Variants in SLC4A8 observed in about 807,000 individuals in gnomAD.
SLC4A8 encodes electroneutral sodium bicarbonate exchanger 1.
Under a neutral mutation model 125.0 loss-of-function variants are expected in SLC4A8, and 40 were observed. The ratio of observed to expected loss-of-function variants is 0.32; its 90% CI spans 0.25 to 0.42. The LOEUF (loss-of-function observed/expected upper bound fraction) is 0.42. Ranked by LOEUF, SLC4A8 falls within the 10% of genes least tolerant of loss-of-function variation. SLC4A8 has a pLI of 1.00. For synonymous variants in SLC4A8, 456 were observed against 476.0 expected, an observed-to-expected ratio of 0.96 and a Z score of 0.55; for missense variants, 863 against 1,355.1, an observed-to-expected ratio of 0.64 and a Z score of 5.70.
intron 16 of SLC4A8, among the ~76,000 whole-genome samples, chr12:51,481,790 TA>T (rs1180765514): frequency 8.8e-4 from 125 of 142,516 alleles, no homozygotes; most frequent in Middle Eastern, 3.5e-3. Context: ...AAAGTATATA[TA>T]AAAAAAAAAA....
At chr12:51,434,320 C>A (rs1949332201) in intron 1 of SLC4A8, among the ~76,000 whole-genome samples, 1 of 152,144 alleles carries the variant, frequency 6.6e-6, no homozygotes, top group South Asian at 2.1e-4. Flanking sequence ...GATTATTATA[C>A]TGAAAAAATA....
intron 11 of SLC4A8, among the ~76,000 whole-genome samples, chr12:51,465,916 A>G (rs1950499569): frequency 6.6e-6 from 1 of 152,234 alleles, no homozygotes; most frequent in Admixed American, 6.5e-5. Context: ...TGCACAAACT[A>G]AAACCACATT....
intron 1 of SLC4A8, among the ~76,000 whole-genome samples, chr12:51,433,860 T>TG (rs202241547): frequency 1.6e-5 from 1 of 60,616 alleles, no homozygotes. Flanking sequence ...TGTTTTTTTT[T>TG]TTTTTTTTTT....
chr12:51,503,910 A>G (rs1938049691), intron 22 of SLC4A8, 119 bp from the exon 23 acceptor site: 1 of 618,254 alleles, frequency 1.6e-6, no homozygotes, highest in Admixed American at 3.2e-5. Flanking sequence ...AAAGAACCTA[A>G]TTATATTCTT....
chr12:51,412,630 T>C (rs1260627916), intron 1 of SLC4A8, among the ~76,000 whole-genome samples: 1 of 152,214 alleles, frequency 6.6e-6, no homozygotes, highest in Non-Finnish European at 1.5e-5. Context: ...TGCTCTCTAC[T>C]TCCATAATAT....
At chr12:51,403,315 A>G (rs1314286438) in intron 1 of SLC4A8, 2 of 441,928 alleles carry the variant, frequency 4.5e-6, no homozygotes, top group Non-Finnish European at 9.3e-6. Context: ...TGTGCCTGTT[A>G]CTCCACCAGA....
chr12:51,485,761 A>G (rs765094966), intron 16 of SLC4A8, 26 bp from the exon 17 acceptor site: 5 of 1,328,654 alleles, frequency 3.8e-6, no homozygotes, highest in Non-Finnish European at 5.4e-6. Flanking sequence ...CTGCCAAAAC[A>G]TGTGTCCACT....
intron 1 of SLC4A8, chr12:51,391,511 A>G: frequency 6.5e-6 from 1 of 154,038 alleles, no homozygotes; most frequent in Non-Finnish European, 1.4e-5. Flanking sequence ...ACTCGGCAGA[A>G]GCGAGATCCG....
chr12:51,499,271 C>T (rs1467135182), intron 22 of SLC4A8, among the ~76,000 whole-genome samples: 1 of 152,156 alleles, frequency 6.6e-6, no homozygotes, highest in Non-Finnish European at 1.5e-5. Context: ...TACAGTAAGA[C>T]TGTCAAAGAA....
In SLC4A8 at chr12:51,426,875, GGA is replaced by G. The variant is rs150265856; in HGVS notation, c.48+1852_48+1853del. On this transcript the variant is annotated intron_variant, in intron 1 of 24. Transcript: ENST00000453097. Reference sequence around the variant, plus strand: ...GGAGAGAGGGGGTCTCTCCTAACCGGGAGAGAGAGAGAGGGCATGAGAGAGTA... The same window carrying G: ...GGAGAGAGGGGGTCTCTCCTAACCGGGAGAGAGAGAGGGCATGAGAGAGTA... Among the ~76,000 whole-genome samples, 12 of 151,536 alleles carry G rather than the reference GGA, an allele frequency of 7.9e-5. No homozygotes were observed. The East Asian group carries it at 1.5e-3, about 20-fold the overall frequency.
Position 51,435,073 on chromosome 12 carries a change from A to T in SLC4A8, c.49-5635A>T, listed in dbSNP as rs144513638. ...ATTCCCATGGTGTTGTTTTTCAAGG[A>T]ACTCTGTTTTATTGTACTTTCAGTA... On this transcript the variant is annotated intron_variant, in intron 1 of 24. Coordinates refer to ENST00000453097, the MANE Select transcript of SLC4A8 (RefSeq NM_001039960.3). 5.8e-4 allele frequency among the ~76,000 whole-genome samples: 88 copies of T among 152,202 alleles called. 1 individual carries two copies. Among genetic ancestry groups the T allele is most frequent in the African/African-American group, 2.1e-3 (87 of 41,532 alleles).
At chr12:51,422,168 A>G (rs1948802624), upstream of SLC4A8, 1 of 152,222 alleles carries the variant, frequency 6.6e-6, no homozygotes, top group Admixed American at 6.5e-5. Flanking sequence ...ACTGAGCCTC[A>G]GTTTTTTACC....
intron 17 of SLC4A8, among the ~76,000 whole-genome samples, chr12:51,486,711 G>A (rs890502524): frequency 1.3e-5 from 2 of 152,198 alleles, no homozygotes; most frequent in Non-Finnish European, 2.9e-5. Context: ...GGAGAAGGCC[G>A]ACAGGAATAA....
intron 1 of SLC4A8, among the ~76,000 whole-genome samples, chr12:51,428,197 C>T (rs1473801788): frequency 2.6e-5 from 4 of 152,166 alleles, no homozygotes; most frequent in Admixed American, 1.3e-4. Context: ...TTCTCTGAAC[C>T]TTCATCCCAG....
At chr12:51,497,340 G>T in intron 22 of SLC4A8, 1 of 517,590 alleles carries the variant, frequency 1.9e-6, no homozygotes, top group Non-Finnish European at 3.4e-6. Context: ...TTTTTCCTTT[G>T]TTTACAATCT....
At chr12:51,416,813 C>T (rs1331420131) in intron 1 of SLC4A8, among the ~76,000 whole-genome samples, 1 of 152,138 alleles carries the variant, frequency 6.6e-6, no homozygotes, top group Non-Finnish European at 1.5e-5. Context: ...CATCATGGTA[C>T]TCTACCTTAA....
rs930895901 is a variant in SLC4A8, at chr12:51,473,999, C to T, written c.1905-343C>T. ...TGTAGACTAAATTTCATAGCAAGAG[C>T]CTAAGAGATAGAAATCGGGCAAAAA... On this transcript the variant is annotated intron_variant, in intron 14 of 24. Transcript: ENST00000453097. Among the ~76,000 whole-genome samples, 3 of 150,748 alleles carry T rather than the reference C, an allele frequency of 2.0e-5. No individual in the cohort carries two copies. In the East Asian group the frequency reaches 5.8e-4, roughly 29 times the overall value.
intron 1 of SLC4A8, among the ~76,000 whole-genome samples, chr12:51,400,791 C>T (rs1277725959): frequency 6.2e-5 from 5 of 80,130 alleles, no homozygotes; most frequent in African/African-American, 2.4e-4. Context: ...TACATACACA[C>T]ACACACACAC....
At chr12:51,424,076 A>AAC (rs1555186726), upstream of SLC4A8, among the ~76,000 whole-genome samples, 24 of 126,350 alleles carry the variant, frequency 1.9e-4, no homozygotes, top group East Asian at 6.3e-4. Flanking sequence ...CAAAAAAAAA[A>AAC]CAAAAAAAAC....
Sources: gnomAD v4.1 joint callset for allele counts (sites outside exome capture counted in the v4.1 genomes callset) on GRCh38, gnomAD v4.1.1 for gene constraint, MANE v1.5 for transcripts, NCBI Gene and HGNC (gene_info 2026-07-23, HGNC 2026-07-21) for gene names.